The following AIM2 variants were observed in gnomAD, a reference collection of about 807,000 sequenced individuals.
The protein encoded by AIM2 is absent in melanoma 2, also known as interferon-inducible protein AIM2.
In AIM2, 30 loss-of-function variants were observed where a neutral mutation model predicts 27.7. That is an observed-to-expected ratio of 1.08 (90% CI 0.81 to 1.47). The LOEUF is 1.47. Among genes scored for constraint, AIM2 ranks in the 40% most tolerant of loss-of-function variants. AIM2 has a pLI of 0.00. For synonymous variants in AIM2, 141 were observed against 145.3 expected, an observed-to-expected ratio of 0.97 and a Z score of 0.21; for missense variants, 358 against 411.3, an observed-to-expected ratio of 0.87 and a Z score of 1.12.
At chr1:159,130,940 C>T (rs1647856907) in intron 1 of AIM2, among the ~76,000 whole-genome samples, 2 of 152,082 alleles carry the variant, frequency 1.3e-5, no homozygotes, top group South Asian at 2.1e-4. Context: ...CAATCTGGCT[C>T]TCGGCATTAG....
intron 1 of AIM2, among the ~76,000 whole-genome samples, chr1:159,075,556 C>CACACAA (rs1656566955): frequency 7.0e-6 from 1 of 143,448 alleles, no homozygotes; most frequent in Non-Finnish European, 1.5e-5. Context: ...CACACACACA[C>CACACAA]ACACACACAC....
At chr1:159,131,272 C>T (rs1291179652) in intron 1 of AIM2, among the ~76,000 whole-genome samples, 1 of 152,138 alleles carries the variant, frequency 6.6e-6, no homozygotes, top group Non-Finnish European at 1.5e-5. Context: ...ATGCTATTTT[C>T]CTTGGGGAAT....
chr1:159,083,142 TTA>T (rs1467580290), intron 1 of AIM2, among the ~76,000 whole-genome samples: 1 of 152,208 alleles, frequency 6.6e-6, no homozygotes. Context: ...ACTACATGGC[TTA>T]ACTATTAGTT....
upstream of AIM2, chr1:159,081,330 T>C: frequency 4.0e-6 from 1 of 251,098 alleles, no homozygotes. Context: ...CTGGGTCTGA[T>C]TACAATGAAA....
At chr1:159,082,050 T>C (rs1336700916) in intron 1 of AIM2, among the ~76,000 whole-genome samples, 1 of 152,230 alleles carries the variant, frequency 6.6e-6, no homozygotes, top group Non-Finnish European at 1.5e-5. Context: ...TCTAGCCACA[T>C]GCTTTTAAAA....
intron 1 of AIM2, among the ~76,000 whole-genome samples, chr1:159,119,809 T>G (rs780737290): frequency 6.6e-6 from 1 of 152,114 alleles, no homozygotes; most frequent in African/African-American, 2.4e-5. Flanking sequence ...TGTGTGTGTG[T>G]GTGGGTGTGT....
intron 4 of AIM2, among the ~76,000 whole-genome samples, chr1:159,065,552 A>G (rs939450008): frequency 6.6e-6 from 1 of 152,228 alleles, no homozygotes; most frequent in African/African-American, 2.4e-5. Context: ...CTTACTTTGC[A>G]TTCACAACAA....
At chr1:159,088,525 C>A (rs1656972856) in intron 1 of AIM2, among the ~76,000 whole-genome samples, 1 of 152,078 alleles carries the variant, frequency 6.6e-6, no homozygotes, top group African/African-American at 2.4e-5. Context: ...GTCTAAGTAA[C>A]TGCAGCTTTT....
chr1:159,107,964 T>C (rs1657488024), intron 1 of AIM2, among the ~76,000 whole-genome samples: 1 of 152,184 alleles, frequency 6.6e-6, no homozygotes, highest in African/African-American at 2.4e-5. Context: ...AGCAGAATTC[T>C]ACCAGACATT....
At chr1:159,130,089 C>T (rs1004075213) in intron 1 of AIM2, among the ~76,000 whole-genome samples, 5 of 152,308 alleles carry the variant, frequency 3.3e-5, no homozygotes, top group Middle Eastern at 6.8e-3. Flanking sequence ...CACTATGGCT[C>T]GTGCACCCTT....
chr1:159,141,700 G>A (rs1017153578), upstream of AIM2, among the ~76,000 whole-genome samples: 6 of 151,976 alleles, frequency 3.9e-5, no homozygotes, highest in African/African-American at 1.2e-4. Flanking sequence ...CACACACACA[G>A]CATCAGCACC....
At chr1:159,095,948 A>C (rs1380338773) in intron 1 of AIM2, among the ~76,000 whole-genome samples, 1 of 152,192 alleles carries the variant, frequency 6.6e-6, no homozygotes, top group Non-Finnish European at 1.5e-5. Context: ...GAATTAGACT[A>C]GGGTCTCATA....
intron 1 of AIM2, among the ~76,000 whole-genome samples, chr1:159,135,608 T>C (rs537616823): frequency 6.6e-6 from 1 of 152,290 alleles, no homozygotes; most frequent in Middle Eastern, 3.4e-3. Context: ...CGTTAGAAGT[T>C]TATACATAAT....
upstream of AIM2, chr1:159,081,555 C>T (rs896185790): frequency 4.0e-6 from 2 of 506,168 alleles, no homozygotes; most frequent in African/African-American, 2.0e-5. Context: ...AGAGGCTCCT[C>T]AGGCTCTTGA....
At chr1:159,144,094 C>T (rs1648162351), upstream of AIM2, among the ~76,000 whole-genome samples, 1 of 152,212 alleles carries the variant, frequency 6.6e-6, no homozygotes, top group East Asian at 1.9e-4. Context: ...ACTAGGGGCA[C>T]TAACATATGC....
intron 1 of AIM2, among the ~76,000 whole-genome samples, chr1:159,122,854 C>T (rs142064779): frequency 2.0e-4 from 31 of 152,292 alleles, no homozygotes; most frequent in East Asian, 9.7e-4. Flanking sequence ...CTGACCCATT[C>T]GCTTCATACA....
chr1:159,084,158 T>C (rs577828022), intron 1 of AIM2, among the ~76,000 whole-genome samples: 1 of 152,322 alleles, frequency 6.6e-6, no homozygotes, highest in East Asian at 1.9e-4. Context: ...AGAGTCAGAA[T>C]TTAAATCTGG....
Position 159,093,538 on chromosome 1 carries a change from C to T in AIM2, c.-15-27209G>A, listed in dbSNP as rs190051745. On this transcript the variant is annotated intron_variant, in intron 1 of 2. Coordinates refer to the AIM2 transcript ENST00000368129. ...TAGCAGCACTGTTAAAGCCAAAAAA[C>T]GGGGAAACCTGTCAAAGGGACAAAT... Among the ~76,000 whole-genome samples the T allele has an allele frequency of 4.6e-5, 7 of 152,094 alleles. No individual in the cohort carries two copies. In the East Asian group the frequency reaches 9.6e-4, roughly 21 times the overall value.
chr1:159,089,872 G>T (rs928355065), intron 1 of AIM2, among the ~76,000 whole-genome samples: 3 of 152,042 alleles, frequency 2.0e-5, no homozygotes, highest in Non-Finnish European at 2.9e-5. Flanking sequence ...TCAGTAACTG[G>T]ACCCTAGACC....
Sources: allele counts gnomAD v4.1 joint callset (sites outside exome capture counted in the v4.1 genomes callset), GRCh38; gene constraint gnomAD v4.1.1; transcripts MANE v1.5; gene names NCBI Gene and HGNC (gene_info 2026-07-23, HGNC 2026-07-21).